EXT2: variants seen among roughly 807,000 people sequenced by gnomAD.
EXT2 encodes the protein exostosin glycosyltransferase 2, also known as exostosin-2.
A neutral mutation model predicts 81.6 loss-of-function variants in EXT2; 53 were observed. The ratio of observed to expected loss-of-function variants is 0.65; its 90% CI spans 0.52 to 0.82. EXT2 has a LOEUF of 0.82. Ranked by LOEUF, EXT2 falls within the 40% of genes least tolerant of loss-of-function variation. The pLI is 0.00. For synonymous variants in EXT2, 320 were observed against 340.0 expected (o/e 0.94, Z 0.65); for missense variants, 774 against 910.2 (o/e 0.85, Z 1.93).
At position 44,107,860 on chromosome 11, in the gene EXT2, A is replaced by G; in HGVS notation, c.148A>G (p.Ile50Val). The change falls in exon 2 of 14, where the codon ATC becomes GTC. Residue 50 changes from isoleucine (I) to valine (V), a missense_variant. This residue lies in a region of EXT2 where 626 missense variants were observed against 670.5 expected (regional missense o/e 0.93). Transcript: ENST00000533608. Reference protein sequence around the residue: ...TGMFQFWPHSIESSNDWNVEK... With the variant: ...TGMFQFWPHSVESSNDWNVEK... ...CATGTTTCAGTTTTGGCCCCATTCTATCGAGTCCTCAAATGACTGGAATGT... is the reference window on the plus strand; with the variant it reads ...CATGTTTCAGTTTTGGCCCCATTCTGTCGAGTCCTCAAATGACTGGAATGT... 2 of 1,614,070 alleles carry G rather than the reference A, an allele frequency of 1.2e-6. No individual in the cohort carries two copies.
At chr11:44,104,067 C>G (rs914166463) in intron 1 of EXT2, among the ~76,000 whole-genome samples, 9 of 152,078 alleles carry the variant, frequency 5.9e-5, no homozygotes, top group Non-Finnish European at 8.8e-5. Flanking sequence ...TATAGTTAAT[C>G]TGCAACTCAT....
chr11:44,107,682 G>A lies in EXT2; in HGVS notation c.-30-1G>A, dbSNP rs768034099. On this transcript the variant is annotated splice_acceptor_variant, in intron 1 of 13. Transcript: ENST00000533608. LOFTEE classifies it low-confidence loss of function (5UTR_SPLICE). ...TTCTTATTTCTCTCCCTGGTGACCA[G>A]GAGTGTGAGGAAGAGGCTGTCTGTG... is the stretch of plus-strand genomic sequence containing the variant. 1 of 1,606,648 alleles carries A rather than the reference G, an allele frequency of 6.2e-7. No individual in the cohort carries two copies. The highest frequency in any genetic ancestry group is 2.2e-5 in the East Asian group (1 of 44,684).
At position 44,248,363 on chromosome 11, in the gene EXT2, G is replaced by A. The variant is rs982272352; in HGVS notation, c.*4076G>A. ...CAGAGAGACTTTGAAAGCAACTTGA[G>A]CTTTCCACTGCAGGGCCTGGAGGCA... On this transcript the variant is annotated 3_prime_UTR_variant, in exon 14 of 14. Transcript: ENST00000533608. 6.6e-6 allele frequency among the ~76,000 whole-genome samples: 1 copy of A among 152,170 alleles called. No individual in the cohort carries two copies. Among genetic ancestry groups the A allele is most frequent in the African/African-American group, 2.4e-5 (1 of 41,432 alleles).
rs954174847 is a variant in EXT2, at chr11:44,248,940, C to T, written c.*4653C>T. On this transcript the variant is annotated 3_prime_UTR_variant, in exon 14 of 14. Transcript: ENST00000533608. ...CTGTATCTGGCATTTTGTTTCTTCA[C>T]ATTTGCAACCATTTCAGGGTAGAGT... 6.6e-6 allele frequency among the ~76,000 whole-genome samples: 1 copy of T among 152,076 alleles called. No homozygotes were observed. Among genetic ancestry groups the T allele is most frequent in the Non-Finnish European group, 1.5e-5 (1 of 68,012 alleles).
chr11:44,157,478 TAGA>T (rs760054022), intron 7 of EXT2, among the ~76,000 whole-genome samples: 3 of 152,338 alleles, frequency 2.0e-5, no homozygotes, highest in South Asian at 2.1e-4. Flanking sequence ...TTTCCACATG[TAGA>T]AGAAGTCTCT....
intron 1 of EXT2, among the ~76,000 whole-genome samples, chr11:44,097,965 T>C (rs1021308801): frequency 2.0e-5 from 3 of 152,246 alleles, no homozygotes; most frequent in African/African-American, 7.2e-5. Context: ...AGGTTGGGGT[T>C]AAAAGACTTT....
intron 7 of EXT2, among the ~76,000 whole-genome samples, chr11:44,144,056 G>A (rs148384675): frequency 6.6e-6 from 1 of 152,332 alleles, no homozygotes; most frequent in East Asian, 1.9e-4. Flanking sequence ...CCTGGTTGGA[G>A]TGAGGCTTGT....
intron 8 of EXT2, among the ~76,000 whole-genome samples, chr11:44,186,457 A>AAG (rs1372062533): frequency 6.6e-6 from 1 of 152,220 alleles, no homozygotes; most frequent in African/African-American, 2.4e-5. Flanking sequence ...CTTTCCAAGC[A>AAG]AGAGGAGGAT....
At chr11:44,208,373 C>A (rs1005336778) in intron 10 of EXT2, among the ~76,000 whole-genome samples, 8 of 152,122 alleles carry the variant, frequency 5.3e-5, no homozygotes, top group African/African-American at 1.9e-4. Context: ...TAAAGGAAGA[C>A]TACTAAAAGA....
chr11:44,152,531 A>G (rs11037887), intron 7 of EXT2, among the ~76,000 whole-genome samples: 39,543 of 152,028 alleles, frequency 0.26, 6,029 homozygotes, highest in Admixed American at 0.42. Context: ...TTGTATTTTT[A>G]GTAGAGACGG....
intron 7 of EXT2, among the ~76,000 whole-genome samples, chr11:44,131,552 G>A (rs1422175207): frequency 2.0e-5 from 3 of 152,132 alleles, no homozygotes; most frequent in Non-Finnish European, 4.4e-5. Flanking sequence ...TTTATTTATA[G>A]CATCCTCCTG....
Position 44,109,674 on chromosome 11 carries a change from G to C in EXT2, c.626+391G>C, listed in dbSNP as rs75833033. ...CGATACCCAAAGCCTATAATGTAGA[G>C]GGTAATGGGGGCACGCTGATTCTCA... On this transcript the variant is annotated intron_variant, in intron 3 of 13. Coordinates refer to ENST00000533608, the MANE Select transcript of EXT2 (RefSeq NM_207122.2). 1.9e-3 allele frequency among the ~76,000 whole-genome samples: 282 copies of C among 152,254 alleles called. 1 individual carries two copies. Among genetic ancestry groups the C allele is most frequent in the African/African-American group, 6.6e-3 (275 of 41,550 alleles).
intron 8 of EXT2, among the ~76,000 whole-genome samples, chr11:44,194,502 T>C (rs528696881): frequency 6.6e-6 from 1 of 152,286 alleles, no homozygotes; most frequent in Admixed American, 6.5e-5. Context: ...TAGGAGGGCA[T>C]AGGGAAGGGC....
At chr11:44,154,033 T>A (rs1315355905) in intron 7 of EXT2, among the ~76,000 whole-genome samples, 3 of 151,896 alleles carry the variant, frequency 2.0e-5, no homozygotes, top group African/African-American at 7.2e-5. Context: ...GTATATATAT[T>A]TATAGGGTAC....
rs1034200458 is a variant in EXT2, at chr11:44,251,680, G to A, written c.*7393G>A. 2.6e-5 allele frequency among the ~76,000 whole-genome samples: 4 copies of A among 152,096 alleles called. No homozygotes were observed. The highest frequency in any genetic ancestry group is 7.2e-5 in the African/African-American group (3 of 41,404). On this transcript the variant is annotated 3_prime_UTR_variant, in exon 14 of 14. Transcript: ENST00000533608. ...AAAATTTAATTTACTTCCAGAGAAA[G>A]GACCAGAAGAAAGTAAATTTTCATT...
At chr11:44,144,426 G>T in intron 7 of EXT2, 1 of 1,127,456 alleles carries the variant, frequency 8.9e-7, no homozygotes, top group Non-Finnish European at 1.3e-6. Context: ...AGTTTTATTG[G>T]TCAGTGGCTC....
rs1955767479 is a variant in EXT2 at position 44,220,247 on chromosome 11, T to C, written c.1663-12106T>C. 6.6e-6 allele frequency among the ~76,000 whole-genome samples: 1 copy of C among 152,202 alleles called. No homozygotes were observed. Among genetic ancestry groups the C allele is most frequent in the African/African-American group, 2.4e-5 (1 of 41,456 alleles). ...TAGGACCAGTTTGCCAAAGTTGAGC[T>C]TTTAGAAAACCATAATTTTTTTAGG... is the stretch of plus-strand genomic sequence containing the variant. On this transcript the variant is annotated intron_variant, in intron 10 of 13. Transcript: ENST00000533608. The surrounding 1 kb of genome is among the most constrained non-coding windows in gnomAD (Gnocchi z 4.4).
intron 7 of EXT2, among the ~76,000 whole-genome samples, chr11:44,145,912 G>C (rs1954710514): frequency 6.6e-6 from 1 of 152,212 alleles, no homozygotes. Context: ...CATTTTTGAA[G>C]GAAGAGGTAT....
Position 44,102,894 on chromosome 11 carries a change from CTTTT to C in EXT2, c.-30-4787_-30-4784del, listed in dbSNP as rs1954006419. On this transcript the variant is annotated intron_variant, in intron 1 of 13. Coordinates refer to ENST00000533608, the MANE Select transcript of EXT2 (RefSeq NM_207122.2). ...TTCTGTTTTTTGTTTGTTTTGTTTT[CTTTT>C]TGTTTGTTTTTTTCTTATTGCTTCG... 5.3e-5 allele frequency among the ~76,000 whole-genome samples: 8 copies of C among 151,794 alleles called. No homozygotes were observed. The South Asian group carries it at 1.7e-3, about 32-fold the overall frequency.
Sources: allele counts gnomAD v4.1 joint callset (sites outside exome capture counted in the v4.1 genomes callset), GRCh38; gene constraint gnomAD v4.1.1; regional missense constraint gnomAD v4.1.1; non-coding constraint Gnocchi (gnomAD v3.1); transcripts MANE v1.5; gene names NCBI Gene and HGNC (gene_info 2026-07-23, HGNC 2026-07-21).